NALCN: variants seen among roughly 807,000 people sequenced by gnomAD.
The protein encoded by NALCN is sodium leak channel NALCN.
NALCN carries 111 observed loss-of-function variants against 225.3 expected under a neutral mutation model. The ratio of observed to expected loss-of-function variants is 0.49; its 90% CI spans 0.42 to 0.58. NALCN has a LOEUF of 0.58. Ranked by LOEUF, NALCN falls within the 20% of genes least tolerant of loss-of-function variation. The pLI, the probability that NALCN is intolerant of heterozygous loss-of-function variation, is 0.00. For missense variants in NALCN, 1,378 were observed against 2,202.4 expected (o/e 0.63, Z 7.49); for synonymous variants, 764 against 769.0 (o/e 0.99, Z 0.11).
intron 18 of NALCN, among the ~76,000 whole-genome samples, chr13:101,112,298 C>T (rs984300726): frequency 8.6e-5 from 13 of 151,860 alleles, no homozygotes; most frequent in South Asian, 2.1e-4. Context: ...GTTTAAACCA[C>T]GAAGACTTTT....
intron 15 of NALCN, among the ~76,000 whole-genome samples, chr13:101,155,710 A>C (rs1366265273): frequency 1.3e-5 from 2 of 152,180 alleles, no homozygotes; most frequent in African/African-American, 4.8e-5. Flanking sequence ...TTAAAGCTTT[A>C]TCTCTTAGGA....
chr13:101,260,834 T>C (rs2042400860), intron 10 of NALCN, among the ~76,000 whole-genome samples: 1 of 152,208 alleles, frequency 6.6e-6, no homozygotes, highest in Non-Finnish European at 1.5e-5. Flanking sequence ...TCTCTTCACT[T>C]TGTTAATTGT....
chr13:101,124,190 T>G (rs1417445235), intron 18 of NALCN, among the ~76,000 whole-genome samples: 2 of 152,226 alleles, frequency 1.3e-5, no homozygotes, highest in East Asian at 3.8e-4. Context: ...ATTGGTATAC[T>G]TTTTATTATT....
chr13:101,199,154 T>C (rs904727534), intron 13 of NALCN, among the ~76,000 whole-genome samples: 8 of 144,586 alleles, frequency 5.5e-5, no homozygotes, highest in African/African-American at 1.8e-4. Context: ...TGGGGGGAGG[T>C]GGGAGGTATA....
intron 12 of NALCN, among the ~76,000 whole-genome samples, chr13:101,232,748 C>G (rs2041402461): frequency 2.0e-5 from 3 of 152,026 alleles, no homozygotes; most frequent in Admixed American, 1.3e-4. Context: ...ACCCGGCCAT[C>G]CTGCTGTAAT....
intron 40 of NALCN, among the ~76,000 whole-genome samples, chr13:101,064,870 G>A (rs2032239976): frequency 2.0e-5 from 3 of 152,170 alleles, no homozygotes; most frequent in South Asian, 2.1e-4. Flanking sequence ...AGAAGAAAAG[G>A]CAGAGACTCC....
chr13:101,163,654 G>A (rs900486187), intron 15 of NALCN, among the ~76,000 whole-genome samples: 1 of 152,118 alleles, frequency 6.6e-6, no homozygotes, highest in African/African-American at 2.4e-5. Flanking sequence ...TACGTCCATT[G>A]TTCCCTGCTG....
At chr13:101,090,201 T>C (rs978919838) in intron 28 of NALCN, among the ~76,000 whole-genome samples, 1 of 152,178 alleles carries the variant, frequency 6.6e-6, no homozygotes, top group African/African-American at 2.4e-5. Context: ...AATGCATCAA[T>C]GTGTTATAAT....
intron 11 of NALCN, among the ~76,000 whole-genome samples, chr13:101,240,109 G>A (rs962524457): frequency 8.6e-5 from 13 of 151,742 alleles, no homozygotes; most frequent in African/African-American, 2.7e-4. Context: ...CCAACAGTCT[G>A]GTTTCTAACT....
At chr13:101,142,450 A>AT (rs555682324) in intron 17 of NALCN, among the ~76,000 whole-genome samples, 2 of 151,722 alleles carry the variant, frequency 1.3e-5, no homozygotes, top group Admixed American at 6.6e-5. Context: ...CCCTTATATT[A>AT]TTTTTTTTAA....
chr13:101,102,834 A>G (rs1151380), intron 26 of NALCN, among the ~76,000 whole-genome samples: 127,255 of 152,208 alleles, frequency 0.84, 53,372 homozygotes, highest in African/African-American at 0.86. Context: ...TGGAGTACAC[A>G]GTGTTGAATC....
At chr13:101,317,771 C>T (rs527933523) in intron 7 of NALCN, among the ~76,000 whole-genome samples, 2 of 152,218 alleles carry the variant, frequency 1.3e-5, no homozygotes, top group Non-Finnish European at 2.9e-5. Flanking sequence ...GTTTCCTCAC[C>T]AGTGGCTCAT....
At chr13:101,107,902 T>A (rs1594219311) in intron 20 of NALCN, 113 bp from the exon 21 acceptor site, 1 of 485,056 alleles carries the variant, frequency 2.1e-6, no homozygotes, top group East Asian at 3.9e-5. Context: ...GTATAAATAT[T>A]AATTACATAT....
At position 101,332,397 on chromosome 13, in the gene NALCN, CAA is replaced by C. The variant is rs753158247; in HGVS notation, c.799+12867_799+12868del. Among the ~76,000 whole-genome samples, 20 of 57,830 alleles carry C rather than the reference CAA, an allele frequency of 3.5e-4. No homozygotes were observed. The South Asian group carries it at 0.01, about 30-fold the overall frequency. 37.9% of individuals were successfully genotyped at this position (57,830 alleles called of 152,430 possible). On this transcript the variant is annotated intron_variant, in intron 7 of 43. Transcript: ENST00000251127. Reference sequence around the variant, plus strand: ...TAAAAAAAACCCAAATTCACAAAGCCAAAAAAAAAAAAAAAAAAAAAAAGGAA... The same window carrying C: ...TAAAAAAAACCCAAATTCACAAAGCCAAAAAAAAAAAAAAAAAAAAAGGAA...
chr13:101,376,332 T>G (rs937829196), intron 6 of NALCN, among the ~76,000 whole-genome samples: 3 of 152,012 alleles, frequency 2.0e-5, no homozygotes, highest in Non-Finnish European at 4.4e-5. Flanking sequence ...TGTCCTGTCT[T>G]GAATACTTGT....
At chr13:101,193,062 A>T (rs2039745961) in intron 13 of NALCN, among the ~76,000 whole-genome samples, 2 of 151,724 alleles carry the variant, frequency 1.3e-5, no homozygotes, top group Non-Finnish European at 2.9e-5. Context: ...GGACCTAAAG[A>T]TAGACCTAAT....
chr13:101,208,356 G>T (rs1368809425), intron 13 of NALCN, among the ~76,000 whole-genome samples: 1 of 151,766 alleles, frequency 6.6e-6, no homozygotes, highest in African/African-American at 2.4e-5. Context: ...AATATCAGAA[G>T]GAACAAACTC....
At chr13:101,309,227 TACAC>T (rs372397000) in intron 7 of NALCN, among the ~76,000 whole-genome samples, 4 of 151,778 alleles carry the variant, frequency 2.6e-5, no homozygotes, top group African/African-American at 9.7e-5. Flanking sequence ...TTAAGAATAA[TACAC>T]ACACACACAC....
At position 101,242,262 on chromosome 13, in the gene NALCN, T is replaced by C. The variant is rs1314403015; in HGVS notation, c.1267-4340A>G. Among the ~76,000 whole-genome samples, 2 of 106,302 alleles carry C rather than the reference T, an allele frequency of 1.9e-5. 1 individual carries two copies. The highest frequency in any genetic ancestry group is 4.8e-4 in the East Asian group (2 of 4,192). 69.7% of individuals were successfully genotyped at this position (106,302 alleles called of 152,430 possible). On this transcript the variant is annotated intron_variant, in intron 11 of 43. Coordinates refer to ENST00000251127, the MANE Select transcript of NALCN (RefSeq NM_052867.4). ...TTGGTCTTACGCTTCCTGTGTATTT[T>C]ATGTCATTGCTGTTTCATTTTTAAC...
Sources: gnomAD v4.1 joint callset for allele counts (sites outside exome capture counted in the v4.1 genomes callset) on GRCh38, gnomAD v4.1.1 for gene constraint, MANE v1.5 for transcripts, NCBI Gene and HGNC (gene_info 2026-07-23, HGNC 2026-07-21) for gene names.